GULP1: variants seen among roughly 807,000 people sequenced by gnomAD.
GULP1 encodes GULP PTB domain containing engulfment adaptor 1, also known as PTB domain-containing engulfment adapter protein 1.
Under a neutral mutation model 40.9 loss-of-function variants are expected in GULP1, and 19 were observed. The observed-to-expected ratio is 0.46, with a 90% CI of 0.32 to 0.68. GULP1 has a LOEUF of 0.68. GULP1 is among the 30% of genes least tolerant of loss of function. The pLI is 0.03. For missense variants in GULP1, 312 were observed against 362.2 expected, an observed-to-expected ratio of 0.86 and a Z score of 1.12; for synonymous variants, 119 against 117.6, an observed-to-expected ratio of 1.01 and a Z score of -0.08.
chr2:188,459,788 T>A (rs2152956392), intron 2 of GULP1, among the ~76,000 whole-genome samples: 1 of 152,262 alleles, frequency 6.6e-6, no homozygotes, highest in Admixed American at 6.5e-5. Flanking sequence ...GTCTTAGATT[T>A]AAGTCTTTGC....
intron 9 of GULP1, among the ~76,000 whole-genome samples, chr2:188,579,458 T>G (rs1042118854): frequency 3.9e-5 from 6 of 152,132 alleles, no homozygotes; most frequent in African/African-American, 1.4e-4. Context: ...TTTTGATACC[T>G]GCACACAGTG....
chr2:188,438,529 A>G (rs1318942575), intron 2 of GULP1, among the ~76,000 whole-genome samples: 1 of 151,332 alleles, frequency 6.6e-6, no homozygotes, highest in Non-Finnish European at 1.5e-5. Context: ...TAATAATTAC[A>G]GTAAAAATCT....
At chr2:188,410,330 G>A (rs1327084329) in intron 2 of GULP1, among the ~76,000 whole-genome samples, 2 of 152,190 alleles carry the variant, frequency 1.3e-5, no homozygotes, top group African/African-American at 4.8e-5. Flanking sequence ...GCAAAGGCAA[G>A]AGTAGGCAAA....
At chr2:188,338,641 C>T (rs1180503932) in intron 1 of GULP1, among the ~76,000 whole-genome samples, 2 of 152,152 alleles carry the variant, frequency 1.3e-5, no homozygotes, top group Non-Finnish European at 2.9e-5. Flanking sequence ...AGTAATAATA[C>T]TTTCAATAAA....
At chr2:188,440,198 A>G (rs1284502232) in intron 2 of GULP1, among the ~76,000 whole-genome samples, 2 of 152,210 alleles carry the variant, frequency 1.3e-5, no homozygotes, top group African/African-American at 2.4e-5. Flanking sequence ...ATAAAAACAA[A>G]TCTATTGTTG....
At chr2:188,547,452 G>A (rs1692264909) in intron 7 of GULP1, among the ~76,000 whole-genome samples, 1 of 152,074 alleles carries the variant, frequency 6.6e-6, no homozygotes, top group Admixed American at 6.6e-5. Context: ...GAGCAAGGAA[G>A]CCAGTCATAG....
At chr2:188,483,220 A>G (rs2061574652) in intron 3 of GULP1, among the ~76,000 whole-genome samples, 1 of 152,072 alleles carries the variant, frequency 6.6e-6, no homozygotes, top group South Asian at 2.1e-4. Context: ...AACTTTAAAA[A>G]GAAAAGCTAG....
At chr2:188,470,159 G>A (rs535403275) in intron 2 of GULP1, among the ~76,000 whole-genome samples, 1 of 152,226 alleles carries the variant, frequency 6.6e-6, no homozygotes, top group Non-Finnish European at 1.5e-5. Flanking sequence ...ATGTTTGGTA[G>A]AATTGAGCAG....
intron 3 of GULP1, among the ~76,000 whole-genome samples, chr2:188,480,467 A>G (rs577910598): frequency 6.9e-6 from 1 of 143,976 alleles, no homozygotes; most frequent in Non-Finnish European, 1.5e-5. Context: ...TTTTTTTTTT[A>G]AATTAAATCT....
chr2:188,391,411 GGTT>G (rs2050506407), intron 2 of GULP1, among the ~76,000 whole-genome samples: 1 of 151,942 alleles, frequency 6.6e-6, no homozygotes, highest in African/African-American at 2.4e-5. Context: ...TTCTCAATGT[GGTT>G]GTTGTTGGCA....
chr2:188,470,986 G>A (rs13397653), intron 2 of GULP1, among the ~76,000 whole-genome samples: 20,161 of 151,948 alleles, frequency 0.13, 3,312 homozygotes, highest in African/African-American at 0.39. Context: ...CTGGAACATC[G>A]GTTTAGTGCT....
chr2:188,579,876 A>G (rs1414722964), intron 9 of GULP1, among the ~76,000 whole-genome samples: 1 of 152,200 alleles, frequency 6.6e-6, no homozygotes, highest in African/African-American at 2.4e-5. Flanking sequence ...GTTGGTTTTC[A>G]GGTACCTAGT....
chr2:188,306,807 A>G (rs1485882192), intron 1 of GULP1, among the ~76,000 whole-genome samples: 2 of 152,182 alleles, frequency 1.3e-5, no homozygotes, highest in Non-Finnish European at 2.9e-5. Flanking sequence ...TTTTAGAAAG[A>G]GCTGAGTTGA....
At chr2:188,353,230 A>T (rs968007067) in intron 1 of GULP1, among the ~76,000 whole-genome samples, 8 of 152,204 alleles carry the variant, frequency 5.3e-5, no homozygotes, top group Non-Finnish European at 1.2e-4. Context: ...CTAAATAAAA[A>T]ATGAAAGCTG....
intron 10 of GULP1, among the ~76,000 whole-genome samples, chr2:188,585,064 C>T (rs978002128): frequency 7.2e-5 from 11 of 152,118 alleles, no homozygotes; most frequent in African/African-American, 1.9e-4. Context: ...ATTGGCAAAG[C>T]GAAGGAGCCA....
intron 2 of GULP1, among the ~76,000 whole-genome samples, chr2:188,459,462 G>T (rs1248222884): frequency 1.3e-5 from 2 of 151,946 alleles, no homozygotes; most frequent in Non-Finnish European, 2.9e-5. Context: ...TTATCATTTT[G>T]TGTCTCCTTT....
At chr2:188,368,450 A>T (rs1167873938) in intron 1 of GULP1, among the ~76,000 whole-genome samples, 1 of 152,050 alleles carries the variant, frequency 6.6e-6, no homozygotes, top group East Asian at 1.9e-4. Context: ...ATGTGGTGGC[A>T]TGCGCCTGTA....
At chr2:188,375,192 C>CTTGTATAATTT (rs1400037639) in intron 1 of GULP1, among the ~76,000 whole-genome samples, 4 of 151,956 alleles carry the variant, frequency 2.6e-5, no homozygotes, top group Admixed American at 2.0e-4. Context: ...CAGATTTTAC[C>CTTGTATAATTT]GAGCAGTGTA....
At chr2:188,380,300 C>G (rs1212857093) in intron 1 of GULP1, among the ~76,000 whole-genome samples, 1 of 152,078 alleles carries the variant, frequency 6.6e-6, no homozygotes, top group Admixed American at 6.6e-5. Flanking sequence ...CATACTAAGG[C>G]ATGTGTACTT....
Sources: gnomAD v4.1 joint callset for allele counts (sites outside exome capture counted in the v4.1 genomes callset) on GRCh38, gnomAD v4.1.1 for gene constraint, MANE v1.5 for transcripts, NCBI Gene and HGNC (gene_info 2026-07-23, HGNC 2026-07-21) for gene names.